Variants in RAD51B observed in about 807,000 individuals in gnomAD.
RAD51B encodes DNA repair protein RAD51 homolog 2.
A neutral mutation model predicts 42.2 loss-of-function variants in RAD51B; 38 were observed. That is an observed-to-expected ratio of 0.90 (90% CI 0.70 to 1.18). RAD51B has a LOEUF of 1.18. RAD51B is among the 50% of genes most tolerant of loss of function. The probability of loss-of-function intolerance (pLI) is 0.00; values close to 1 mark genes in which losing one functional copy is unlikely to be tolerated. For synonymous variants in RAD51B, 154 were observed against 145.2 expected, an observed-to-expected ratio of 1.06 and a Z score of -0.43; for missense variants, 373 against 400.7, an observed-to-expected ratio of 0.93 and a Z score of 0.59.
intron 10 of RAD51B, among the ~76,000 whole-genome samples, chr14:68,518,562 C>A (rs546531141): frequency 8.0e-5 from 12 of 150,754 alleles, no homozygotes; most frequent in East Asian, 2.0e-4. Flanking sequence ...GAGCCCCCCC[C>A]CCAGGCCTCC....
intron 7 of RAD51B, among the ~76,000 whole-genome samples, chr14:68,218,511 C>T (rs1384850042): frequency 3.3e-5 from 5 of 152,170 alleles, no homozygotes; most frequent in Admixed American, 6.5e-5. Flanking sequence ...CTGCTAATCT[C>T]TGTGTGATAA....
At chr14:68,142,391 G>A (rs1192391044) in intron 7 of RAD51B, among the ~76,000 whole-genome samples, 1 of 151,826 alleles carries the variant, frequency 6.6e-6, no homozygotes, top group Admixed American at 6.6e-5. Flanking sequence ...ATTTCCATTG[G>A]CAAAAAAAGT....
intron 3 of RAD51B, 30 bp downstream of exon 3, chr14:67,825,607 A>T: frequency 6.7e-7 from 1 of 1,498,078 alleles, no homozygotes; most frequent in South Asian, 1.2e-5. Flanking sequence ...TGATTTGATT[A>T]TGAATGATTC....
chr14:68,052,877 C>G (rs1336676528), intron 7 of RAD51B, among the ~76,000 whole-genome samples: 1 of 151,882 alleles, frequency 6.6e-6, no homozygotes, highest in Non-Finnish European at 1.5e-5. Context: ...AAGCAATCTG[C>G]CTGCCTTGGG....
At chr14:68,654,221 G>C (rs1892762565) in intron 11 of RAD51B, among the ~76,000 whole-genome samples, 1 of 152,232 alleles carries the variant, frequency 6.6e-6, no homozygotes, top group Non-Finnish European at 1.5e-5. Context: ...TGAAGACAGG[G>C]AATAAGCCCA....
intron 9 of RAD51B, among the ~76,000 whole-genome samples, chr14:68,419,620 A>C (rs1055992224): frequency 6.6e-6 from 1 of 152,168 alleles, no homozygotes; most frequent in African/African-American, 2.4e-5. Context: ...TGGCTATGCT[A>C]CCGCTCTCCT....
At chr14:68,219,041 A>G (rs1022299065) in intron 7 of RAD51B, among the ~76,000 whole-genome samples, 6 of 152,220 alleles carry the variant, frequency 3.9e-5, no homozygotes, top group Non-Finnish European at 5.9e-5. Flanking sequence ...ATATTTAGGG[A>G]AAACCTGCAA....
chr14:67,921,401 T>A (rs979667444), intron 7 of RAD51B, among the ~76,000 whole-genome samples: 2 of 152,186 alleles, frequency 1.3e-5, no homozygotes, highest in African/African-American at 2.4e-5. Context: ...AGAGCTCTGG[T>A]AATTATTATT....
At chr14:67,913,767 C>T (rs966508589) in intron 7 of RAD51B, among the ~76,000 whole-genome samples, 1 of 152,156 alleles carries the variant, frequency 6.6e-6, no homozygotes, top group East Asian at 1.9e-4. Flanking sequence ...GTATCTGTCA[C>T]CTCAAGCATT....
At chr14:67,883,869 A>G (rs1043599644) in intron 5 of RAD51B, among the ~76,000 whole-genome samples, 2 of 152,190 alleles carry the variant, frequency 1.3e-5, no homozygotes, top group Non-Finnish European at 1.5e-5. Flanking sequence ...TATTTGTTGA[A>G]TGAATGGATC....
intron 9 of RAD51B, among the ~76,000 whole-genome samples, chr14:68,412,875 A>G (rs541940068): frequency 6.6e-6 from 1 of 152,372 alleles, no homozygotes; most frequent in African/African-American, 2.4e-5. Context: ...CAGGGATATC[A>G]TTAAGGATTG....
At chr14:67,838,874 A>G (rs1453881623) in intron 4 of RAD51B, among the ~76,000 whole-genome samples, 2 of 151,036 alleles carry the variant, frequency 1.3e-5, no homozygotes, top group East Asian at 3.9e-4. Flanking sequence ...ACTTTCCTCC[A>G]TTTCCTAGCT....
At chr14:67,894,324 T>C (rs1465975356) in intron 7 of RAD51B, among the ~76,000 whole-genome samples, 1 of 152,226 alleles carries the variant, frequency 6.6e-6, no homozygotes, top group East Asian at 1.9e-4. Context: ...TTATTCACTA[T>C]TGTATCCCCC....
At chr14:68,096,797 A>G (rs1477893906) in intron 7 of RAD51B, among the ~76,000 whole-genome samples, 4 of 149,052 alleles carry the variant, frequency 2.7e-5, no homozygotes, top group Non-Finnish European at 5.9e-5. Context: ...CTGCAAAGGA[A>G]TAAATGATAT....
chr14:68,030,143 C>T (rs1200497946), intron 7 of RAD51B, among the ~76,000 whole-genome samples: 3 of 152,150 alleles, frequency 2.0e-5, no homozygotes, highest in East Asian at 1.9e-4. Flanking sequence ...TTAGGAGCCT[C>T]GGATTTTTGG....
intron 10 of RAD51B, among the ~76,000 whole-genome samples, chr14:68,534,079 A>T (rs1236977109): frequency 6.6e-6 from 1 of 152,252 alleles, no homozygotes; most frequent in Non-Finnish European, 1.5e-5. Flanking sequence ...AGTGAGCTTA[A>T]CTGAGTGGTC....
chr14:68,575,440 A>G (rs1594988945), intron 10 of RAD51B, among the ~76,000 whole-genome samples: 1 of 152,226 alleles, frequency 6.6e-6, no homozygotes, highest in South Asian at 2.1e-4. Context: ...AGAATCTGTA[A>G]AGGTTTGGGG....
In RAD51B at chr14:67,870,002, C is replaced by T. The variant is rs1242203372; in HGVS notation, c.452+4863C>T. Among the ~76,000 whole-genome samples the T allele has an allele frequency of 4.0e-5, 6 of 151,696 alleles. No homozygotes were observed. The East Asian group carries it at 9.7e-4, about 24-fold the overall frequency. On this transcript the variant is annotated intron_variant, in intron 5 of 10. Transcript: ENST00000471583. ...AATCATGCCAAAATGTAAAGACCAT[C>T]GAGACTAGGAAGAAACTGCATCAAC...
At chr14:68,298,734 C>T (rs1309725951) in intron 8 of RAD51B, among the ~76,000 whole-genome samples, 2 of 152,080 alleles carry the variant, frequency 1.3e-5, no homozygotes, top group African/African-American at 2.4e-5. Context: ...TGGTGTGATC[C>T]CAGAGGCCTT....
Sources: allele counts gnomAD v4.1 joint callset (sites outside exome capture counted in the v4.1 genomes callset), GRCh38; gene constraint gnomAD v4.1.1; transcripts MANE v1.5; gene names NCBI Gene and HGNC (gene_info 2026-07-23, HGNC 2026-07-21).